The following ZFP37 variants were observed in gnomAD, a reference collection of about 807,000 sequenced individuals.
ZFP37 encodes the protein zinc finger protein 37 homolog.
In ZFP37, 38 loss-of-function variants were observed where a neutral mutation model predicts 52.1. That is an observed-to-expected ratio of 0.73 (90% CI 0.56 to 0.96). The LOEUF (loss-of-function observed/expected upper bound fraction) is 0.96, where lower values mean the gene tolerates loss of function less well. ZFP37 is among the 40% of genes least tolerant of loss of function. The probability of loss-of-function intolerance (pLI) is 0.00; values close to 1 mark genes in which losing one functional copy is unlikely to be tolerated. For synonymous variants in ZFP37, 253 were observed against 259.5 expected (o/e 0.98, Z 0.24); for missense variants, 695 against 741.4 (o/e 0.94, Z 0.73).
chr9:113,043,207 T>C lies in ZFP37; in HGVS notation c.1411A>G (p.Ser471Gly). The C allele has an allele frequency of 6.2e-7, 1 of 1,613,972 alleles. No individual in the cohort carries two copies. The highest frequency in any genetic ancestry group is 8.5e-7 in the Non-Finnish European group (1 of 1,179,976). Residue 471 changes from serine (S) to glycine (G), a missense_variant, in exon 4 of 4, where the codon AGC (serine) becomes GGC (glycine). Coordinates refer to ENST00000374227, the MANE Select transcript of ZFP37 (RefSeq NM_003408.3). Reference sequence around the variant, plus strand: ...TGTATAATGAGGTGTGACTTCTTGCTGAAAGCTTTCCCACATTCATTACAT... The same window carrying C: ...TGTATAATGAGGTGTGACTTCTTGCCGAAAGCTTTCCCACATTCATTACAT... ...FECNECGKAF[S>G]KKSHLIIHQR...
In ZFP37 at chr9:113,056,425, C is replaced by T; in HGVS notation, c.132+132G>A. 3 of 1,438,174 alleles carry T rather than the reference C, an allele frequency of 2.1e-6. No homozygotes were observed. In the South Asian group the frequency reaches 4.0e-5, roughly 19 times the overall value. 89.1% of individuals were successfully genotyped at this position (1,438,174 alleles called of 1,614,324 possible). On this transcript the variant is annotated intron_variant, in intron 1 of 3. Transcript: ENST00000374227. Reference sequence around the variant, plus strand: ...CCCCACAGATAACTCAGAACACCGACCTCCCAAAAGACCATCTAGCATCGA... The same window carrying T: ...CCCCACAGATAACTCAGAACACCGATCTCCCAAAAGACCATCTAGCATCGA...
In ZFP37 at chr9:113,040,761, A is replaced by G. The variant is rs1828832346; in HGVS notation, c.*1964T>C. On this transcript the variant is annotated 3_prime_UTR_variant, in exon 4 of 4. Coordinates refer to ENST00000374227, the MANE Select transcript of ZFP37 (RefSeq NM_003408.3). ...CTCATATGTTAGTTCTGAGGAATAA[A>G]TGAAATAATGTAGGGATTGTGCTTT... The G allele has an allele frequency of 6.6e-6, 1 of 152,208 alleles. No individual in the cohort carries two copies. Among genetic ancestry groups the G allele is most frequent in the Admixed American group, 6.5e-5 (1 of 15,284 alleles). 9.4% of individuals were successfully genotyped at this position (152,208 alleles called of 1,614,324 possible). A position where few individuals can be genotyped will look rare whatever the true frequency, so the allele number is the denominator to read the frequency against.
At chr9:113,046,071 T>C (rs898765754) in intron 3 of ZFP37, among the ~76,000 whole-genome samples, 5 of 151,866 alleles carry the variant, frequency 3.3e-5, no homozygotes, top group Admixed American at 6.6e-5. Context: ...ATTACTTTTA[T>C]AAAGGACATT....
At chr9:113,051,606 C>T (rs1829059001) in intron 1 of ZFP37, among the ~76,000 whole-genome samples, 1 of 152,080 alleles carries the variant, frequency 6.6e-6, no homozygotes, top group Non-Finnish European at 1.5e-5. Flanking sequence ...GCAAGCAACA[C>T]CCATGCCTGA....
chr9:113,046,887 A>G (rs568128001), intron 3 of ZFP37, among the ~76,000 whole-genome samples: 2 of 152,300 alleles, frequency 1.3e-5, no homozygotes, highest in African/African-American at 2.4e-5. Flanking sequence ...AAGCGGGTGG[A>G]TCACAAGGTC....
In ZFP37 at chr9:113,043,907, G is replaced by C; in HGVS notation, c.711C>G (p.Ser237Arg). 3.1e-6 allele frequency: 5 copies of C among 1,614,028 alleles called. No individual in the cohort carries two copies. Among genetic ancestry groups the C allele is most frequent in the Non-Finnish European group, 4.2e-6 (5 of 1,179,960 alleles). Reference sequence around the variant, plus strand: ...CAGTTTTGTTACACTTATCAGATGAGCTATGGCTGGATAATTTCTCATGTT... The same window carrying C: ...CAGTTTTGTTACACTTATCAGATGACCTATGGCTGGATAATTTCTCATGTT... ...GKKHEKLSSH[S>R]SSDKCNKTGK... Residue 237 changes from serine to arginine, a missense_variant, in exon 4 of 4, where the codon AGC becomes AGG. By Grantham distance (110) the Ser-to-Arg change is moderately radical (BLOSUM62 -1). Transcript: ENST00000374227.
intron 3 of ZFP37, among the ~76,000 whole-genome samples, chr9:113,045,942 A>G (rs1292822316): frequency 6.6e-6 from 1 of 152,172 alleles, no homozygotes; most frequent in African/African-American, 2.4e-5. Flanking sequence ...GACTTCAGAG[A>G]GAAAGAAGCA....
rs1008327637 is a variant in ZFP37 at position 113,039,146 on chromosome 9, G to A, written c.*3579C>T. The stretch of plus-strand genomic sequence containing the variant: ...TGTTCTGCAATAAATATCATAGTAC[G>A]CCTTGATTGTACAACATAGAATAGA... On this transcript the variant is annotated 3_prime_UTR_variant, in exon 4 of 4. Transcript: ENST00000374227. The A allele has an allele frequency of 1.3e-5, 2 of 151,828 alleles. No homozygotes were observed. The highest frequency in any genetic ancestry group is 4.8e-5 in the African/African-American group (2 of 41,292). The allele number at this position is 151,828 out of a possible 1,614,324, so 9.4% of individuals were successfully genotyped here. A position where few individuals can be genotyped will look rare whatever the true frequency, so the allele number is the denominator to read the frequency against.
rs1466503800 is a variant in ZFP37, at chr9:113,042,642, GCTTT to G, written c.*79_*82del. 1.6e-6 allele frequency: 2 copies of G among 1,229,758 alleles called. No homozygotes were observed. The highest frequency in any genetic ancestry group is 2.2e-6 in the Non-Finnish European group (2 of 906,102). The allele number at this position is 1,229,758 out of a possible 1,614,324, so 76.2% of individuals were successfully genotyped here. A position where few individuals can be genotyped will look rare whatever the true frequency, so the allele number is the denominator to read the frequency against. On this transcript the variant is annotated 3_prime_UTR_variant, in exon 4 of 4. Coordinates refer to ENST00000374227, the MANE Select transcript of ZFP37 (RefSeq NM_003408.3). ...AACAAGGTGTGACATCTTGCTAAAGGCTTTCTAACACTCTTTAAAATCAGCATAT... is the reference window on the plus strand; with the variant it reads ...AACAAGGTGTGACATCTTGCTAAAGGCTAACACTCTTTAAAATCAGCATAT...
At position 113,038,522 on chromosome 9, in the gene ZFP37, C is replaced by G. The variant is rs1564341283; in HGVS notation, c.*4203G>C. On this transcript the variant is annotated 3_prime_UTR_variant, in exon 4 of 4. Coordinates refer to ENST00000374227, the MANE Select transcript of ZFP37 (RefSeq NM_003408.3). ...ATTTGGCCAAATGTGGTAGCTCACA[C>G]TTTTAATCACAGCACTTTGGGAGGC... The G allele has an allele frequency of 6.6e-6, 1 of 151,642 alleles. No individual in the cohort carries two copies. The allele number at this position is 151,642 out of a possible 1,614,324, so 9.4% of individuals were successfully genotyped here.
At position 113,044,178 on chromosome 9, in the gene ZFP37, G is replaced by C; in HGVS notation, c.440C>G (p.Ala147Gly). Reference protein sequence around the residue: ...REVAVKKKTQAKKNGSDCGSL... With the variant: ...REVAVKKKTQGKKNGSDCGSL... ...ACCACAGTCACTGCCATTCTTCTTA[G>C]CTTGAGTTTTCTTCTTGACTGCAAC... The change falls in exon 4 of 4, where the codon GCT becomes GGT. Residue 147 changes from alanine to glycine, a missense_variant. Physicochemically the swap from Ala to Gly is moderately conservative, Grantham distance 60. Coordinates refer to ENST00000374227, the MANE Select transcript of ZFP37 (RefSeq NM_003408.3). 1 of 1,607,632 alleles carries C rather than the reference G, an allele frequency of 6.2e-7. No individual in the cohort carries two copies. The highest frequency in any genetic ancestry group is 8.5e-7 in the Non-Finnish European group (1 of 1,178,532).
rs778629243 is a variant in ZFP37 at position 113,043,848 on chromosome 9, G to A, written c.770C>T (p.Ser257Leu). ...KKHDKLCCHS[S>L]SHIKQDKIQT... ...AATTTTGTCCTGTTTAATATGGGAT[G>A]AACTATGACAGCATAATTTGTCATG... The change falls in exon 4 of 4, where the codon TCA becomes TTA. Residue 257 changes from serine (S) to leucine (L), a missense_variant. By Grantham distance (145) the Ser-to-Leu change is moderately radical (BLOSUM62 -2). Coordinates refer to ENST00000374227, the MANE Select transcript of ZFP37 (RefSeq NM_003408.3). 6 of 1,613,906 alleles carry A rather than the reference G, an allele frequency of 3.7e-6. No individual in the cohort carries two copies. The highest frequency in any genetic ancestry group is 5.1e-6 in the Non-Finnish European group (6 of 1,179,972).
Position 113,052,726 on chromosome 9 carries a change from A to G in ZFP37, c.133-2854T>C, listed in dbSNP as rs1321419558. On this transcript the variant is annotated intron_variant, in intron 1 of 3. Coordinates refer to ENST00000374227, the MANE Select transcript of ZFP37 (RefSeq NM_003408.3). The surrounding 1 kb of genome is among the most constrained non-coding windows in gnomAD (Gnocchi z 4.1). ...CTCTGCCTGCATGTACAAAAATTCC[A>G]GACTCCCAGAAGAAAGCAGGTGTTC... 6.6e-6 allele frequency among the ~76,000 whole-genome samples: 1 copy of G among 152,188 alleles called. No individual in the cohort carries two copies. Among genetic ancestry groups the G allele is most frequent in the African/African-American group, 2.4e-5 (1 of 41,452 alleles).
Position 113,049,463 on chromosome 9 carries a change from T to C in ZFP37, c.248A>G (p.Lys83Arg). Residue 83 changes from lysine (K) to arginine (R), a missense_variant, in exon 3 of 4, where the codon AAG (lysine) becomes AGG (arginine). Physicochemically the swap from Lys to Arg is conservative, Grantham distance 26. Transcript: ENST00000374227. ...CCATGGTGCTTCTCCTTTTTCCAAC[T>C]TGGAGATCATGTCTGGTTTGGGAGC... ...CQAPKPDMIS[K>R]LEKGEAPWLG... 6.2e-7 allele frequency: 1 copy of C among 1,613,930 alleles called. No homozygotes were observed. The highest frequency in any genetic ancestry group is 8.5e-7 in the Non-Finnish European group (1 of 1,179,886).
rs751284315 is a variant in ZFP37, at chr9:113,040,079, C to G, written c.*2646G>C. On this transcript the variant is annotated 3_prime_UTR_variant, in exon 4 of 4. Coordinates refer to ENST00000374227, the MANE Select transcript of ZFP37 (RefSeq NM_003408.3). ...GAGTTTACGTATCGATTCAGACTTACCACTGTGTGTCTGTTTTCCTATACT... is the reference window on the plus strand; with the variant it reads ...GAGTTTACGTATCGATTCAGACTTAGCACTGTGTGTCTGTTTTCCTATACT... The G allele has an allele frequency of 4.6e-5, 7 of 152,202 alleles. No individual in the cohort carries two copies. The highest frequency in any genetic ancestry group is 8.8e-5 in the Non-Finnish European group (6 of 68,034). 9.4% of individuals were successfully genotyped at this position (152,202 alleles called of 1,614,324 possible).
Position 113,039,279 on chromosome 9 carries a change from ATTG to A in ZFP37, c.*3443_*3445del, listed in dbSNP as rs1463291768. The A allele has an allele frequency of 6.6e-6, 1 of 152,048 alleles. No homozygotes were observed. Among genetic ancestry groups the A allele is most frequent in the Admixed American group, 6.6e-5 (1 of 15,242 alleles). The allele number at this position is 152,048 out of a possible 1,614,324, so 9.4% of individuals were successfully genotyped here. ...AACTACCAAAAGCAGTGTGTGACAG[ATTG>A]TTTTCTACCTATCACAAATGTAATT... On this transcript the variant is annotated 3_prime_UTR_variant, in exon 4 of 4. Transcript: ENST00000374227.
At chr9:113,049,727 C>G in intron 2 of ZFP37, 64 bp downstream of exon 2, 1 of 1,574,720 alleles carries the variant, frequency 6.4e-7, no homozygotes, top group Non-Finnish European at 8.6e-7. Flanking sequence ...CCAAACTTAT[C>G]AAGGACTCCA....
chr9:113,043,014 T>C lies in ZFP37; in HGVS notation c.1604A>G (p.His535Arg), dbSNP rs764736215. 6.2e-7 allele frequency: 1 copy of C among 1,613,914 alleles called. No individual in the cohort carries two copies. Among genetic ancestry groups the C allele is most frequent in the South Asian group, 1.1e-5 (1 of 91,072 alleles). Residue 535 changes from histidine (H) to arginine (R), a missense_variant, in exon 4 of 4, where the codon CAT becomes CGT. Physicochemically the swap from His to Arg is conservative, Grantham distance 29. This residue lies in a region of ZFP37 where 326 missense variants were observed against 400.5 expected (regional missense o/e 0.81). Coordinates refer to ENST00000374227, the MANE Select transcript of ZFP37 (RefSeq NM_003408.3). The part of the protein sequence containing the change: ...GFKQIEGLTQ[H>R]QRVHTGEKPY... ...TTTCTCTCCAGTATGAACTCTCTGA[T>C]GTTGAGTAAGGCCTTCAATTTGTTT...
In ZFP37 at chr9:113,048,007, G is replaced by C. The variant is rs928368004; in HGVS notation, c.349+1355C>G. 3.9e-5 allele frequency among the ~76,000 whole-genome samples: 6 copies of C among 152,268 alleles called. No homozygotes were observed. In the South Asian group the frequency reaches 8.3e-4, roughly 21 times the overall value. On this transcript the variant is annotated intron_variant, in intron 3 of 3. Coordinates refer to ENST00000374227, the MANE Select transcript of ZFP37 (RefSeq NM_003408.3). ...ACAGATGGTAGAAGACAAAACCTTA[G>C]GGACACCTCAGCAAAATGAGAAGGA...
Sources: allele counts gnomAD v4.1 joint callset (sites outside exome capture counted in the v4.1 genomes callset), GRCh38; gene constraint gnomAD v4.1.1; regional missense constraint gnomAD v4.1.1; non-coding constraint Gnocchi (gnomAD v3.1); transcripts MANE v1.5; gene names NCBI Gene and HGNC (gene_info 2026-07-23, HGNC 2026-07-21).